Variants in PDCD5 observed in about 807,000 individuals in gnomAD.
PDCD5 encodes programmed cell death 5.
A neutral mutation model predicts 21.9 loss-of-function variants in PDCD5; 23 were observed. The ratio of observed to expected loss-of-function variants is 1.05; its 90% confidence interval spans 0.76 to 1.49. The LOEUF is 1.49. PDCD5 is among the 40% of genes most tolerant of loss of function. PDCD5 has a pLI of 0.00. For synonymous variants in PDCD5, 45 were observed against 49.4 expected (o/e 0.91, Z 0.37); for missense variants, 152 against 147.7 (o/e 1.03, Z -0.15).
chr19:32,583,697 G>A (rs1971451011), intron 2 of PDCD5, among the ~76,000 whole-genome samples: 1 of 151,894 alleles, frequency 6.6e-6, no homozygotes, highest in Non-Finnish European at 1.5e-5. Flanking sequence ...TGTGGTGACT[G>A]AAGCCTGTAG....
At chr19:32,586,118 C>G in intron 4 of PDCD5, 3 of 1,515,988 alleles carry the variant, frequency 2.0e-6, no homozygotes, top group Non-Finnish European at 2.6e-6. Flanking sequence ...TGCTCTGGAA[C>G]CTTGTTGGTG....
chr19:32,581,469 G>C (rs898028440), intron 1 of PDCD5, 142 bp downstream of exon 1: 2 of 442,018 alleles, frequency 4.5e-6, no homozygotes, highest in Non-Finnish European at 7.5e-6. Flanking sequence ...CCTCGTGGCC[G>C]GCTCAGAGGT....
At chr19:32,585,070 T>G in intron 3 of PDCD5, 59 bp downstream of exon 3, 1 of 1,122,240 alleles carries the variant, frequency 8.9e-7, no homozygotes, top group Non-Finnish European at 1.4e-6. Context: ...ATGGGGTGAT[T>G]AGATACCATT....
intron 4 of PDCD5, chr19:32,586,557 GGTT>G: frequency 8.8e-7 from 1 of 1,135,556 alleles, no homozygotes; most frequent in East Asian, 5.5e-5. Context: ...TGGTATATGT[GGTT>G]GTCACACTCA....
chr19:32,581,355 G>C, intron 1 of PDCD5, 28 bp downstream of exon 1: 1 of 1,450,862 alleles, frequency 6.9e-7, no homozygotes, highest in South Asian at 1.3e-5. Flanking sequence ...CGCCAGGCTT[G>C]GCCCTCGCGG....
Position 32,582,286 on chromosome 19 carries a change from T to G in PDCD5, c.104+54T>G, listed in dbSNP as rs1446019705. 12 of 1,485,310 alleles carry G rather than the reference T, an allele frequency of 8.1e-6. No homozygotes were observed. In the Admixed American group the frequency reaches 2.1e-4, roughly 26 times the overall value. The allele number at this position is 1,485,310 out of a possible 1,614,324, so 92.0% of individuals were successfully genotyped here. A position where few individuals can be genotyped will look rare whatever the true frequency, so the allele number is the denominator to read the frequency against. On this transcript the variant is annotated intron_variant, in intron 2 of 5. Coordinates refer to ENST00000590247, the MANE Select transcript of PDCD5 (RefSeq NM_004708.4). ...AGGGTGGTTTCACCAAATGGATTTCTTTTGCTGTAGTTATTTTAAGCAGGT... is the reference window on the plus strand; with the variant it reads ...AGGGTGGTTTCACCAAATGGATTTCGTTTGCTGTAGTTATTTTAAGCAGGT...
In PDCD5 at chr19:32,586,854, C is replaced by G. The variant is rs1430894630; in HGVS notation, c.259-4C>G. On this transcript the variant is annotated splice_polypyrimidine_tract_variant and splice_region_variant and intron_variant, in intron 4 of 5. Transcript: ENST00000590247. Reference sequence around the variant, plus strand: ...GTTTTTCTTATCTTTTCTGGTTCTCCTAGGTATCAGAACAAGGTTTAATAG... The same window carrying G: ...GTTTTTCTTATCTTTTCTGGTTCTCGTAGGTATCAGAACAAGGTTTAATAG... 1.0e-5 allele frequency: 16 copies of G among 1,599,938 alleles called. No individual in the cohort carries two copies. In the Admixed American group the frequency reaches 2.5e-4, roughly 25 times the overall value.
intron 3 of PDCD5, among the ~76,000 whole-genome samples, chr19:32,585,596 T>C (rs1170936654): frequency 1.3e-5 from 2 of 152,158 alleles, no homozygotes; most frequent in East Asian, 3.8e-4. Context: ...AGAACCCAAC[T>C]TTAATCTTGG....
chr19:32,586,806 A>T (rs374307737), intron 4 of PDCD5, 52 bp from the exon 5 acceptor site: 6 of 1,581,774 alleles, frequency 3.8e-6, no homozygotes, highest in Non-Finnish European at 5.1e-6. Flanking sequence ...TGCAGAGGTA[A>T]ATTCTTTGTT....
rs539383392 is a variant in PDCD5, at chr19:32,586,372, T to TA, written c.258+466dup. ...CCACCTGCCCTGAGAAGCCGTCTGC[T>TA]ACCACCACAGCCTACCCGAATTGGT... On this transcript the variant is annotated intron_variant, in intron 4 of 5. Transcript: ENST00000590247. 1,982 of 1,221,482 alleles carry TA rather than the reference T, an allele frequency of 1.6e-3. 1 individual carries two copies. Among genetic ancestry groups the TA allele is most frequent in the Non-Finnish European group, 1.7e-3 (1,641 of 973,202 alleles). 75.7% of individuals were successfully genotyped at this position (1,221,482 alleles called of 1,614,324 possible). A position where few individuals can be genotyped will look rare whatever the true frequency, so the allele number is the denominator to read the frequency against.
rs534083788 is a variant in PDCD5, at chr19:32,585,864, A to C, written c.215A>C (p.Asn72Thr). Residue 72 changes from asparagine (N) to threonine (T), a missense_variant, in exon 4 of 6, where the codon AAT (asparagine) becomes ACT (threonine). Transcript: ENST00000590247. ...CCTGAAAAAACTAAAGCAGTAGAGA[A>C]TTACCTTATACAGATGGCAAGATAT... ...VKPEKTKAVENYLIQMARYGQ... is the reference protein window; with the variant it reads ...VKPEKTKAVETYLIQMARYGQ... The C allele has an allele frequency of 6.2e-7, 1 of 1,612,046 alleles. No homozygotes were observed. The highest frequency in any genetic ancestry group is 8.5e-7 in the Non-Finnish European group (1 of 1,178,068).
intron 2 of PDCD5, chr19:32,584,743 C>A (rs1971459792): frequency 1.8e-6 from 1 of 568,922 alleles, no homozygotes; most frequent in Non-Finnish European, 3.1e-6. Flanking sequence ...AGGTTGTCAC[C>A]TGTGTAATAT....
Position 32,581,311 on chromosome 19 carries a change from T to C in PDCD5, c.50T>C (p.Leu17Pro). The change falls in exon 1 of 6, where the codon CTG (leucine) becomes CCG (proline). Residue 17 changes from leucine to proline, a missense_variant. Leu to Pro is a moderately conservative substitution (Grantham distance 98, BLOSUM62 -3). Coordinates refer to ENST00000590247, the MANE Select transcript of PDCD5 (RefSeq NM_004708.4). The stretch of plus-strand genomic sequence containing the variant: ...CTGAGGAGACAGAGGCTGGCCGAGC[T>C]GCAGGCCAAACACGGGGTGAGCGCA... ...EALRRQRLAE[L>P]QAKHGDPGDA... 2 of 1,523,880 alleles carry C rather than the reference T, an allele frequency of 1.3e-6. No individual in the cohort carries two copies. Among genetic ancestry groups the C allele is most frequent in the Non-Finnish European group, 1.8e-6 (2 of 1,139,976 alleles). 94.4% of individuals were successfully genotyped at this position (1,523,880 alleles called of 1,614,324 possible). A position where few individuals can be genotyped will look rare whatever the true frequency, so the allele number is the denominator to read the frequency against.
Position 32,587,396 on chromosome 19 carries a change from A to T in PDCD5, c.*96A>T. 2 of 763,440 alleles carry T rather than the reference A, an allele frequency of 2.6e-6. No homozygotes were observed. Among genetic ancestry groups the T allele is most frequent in the Non-Finnish European group, 4.2e-6 (2 of 481,460 alleles). 47.3% of individuals were successfully genotyped at this position (763,440 alleles called of 1,614,324 possible). A position where few individuals can be genotyped will look rare whatever the true frequency, so the allele number is the denominator to read the frequency against. ...TTTGTTTATTGTCTATATGCCTTTT[A>T]AAAAAATAAACTTGTTATGCAAAAT... On this transcript the variant is annotated 3_prime_UTR_variant, in exon 6 of 6. Coordinates refer to ENST00000590247, the MANE Select transcript of PDCD5 (RefSeq NM_004708.4).
chr19:32,585,951 A>G (rs752098381), intron 4 of PDCD5, 44 bp downstream of exon 4: 56 of 1,614,148 alleles, frequency 3.5e-5, no homozygotes, highest in Non-Finnish European at 4.3e-5. Flanking sequence ...TACCTGCTTT[A>G]TCAAAACATG....
chr19:32,585,999 A>G (rs1385143769), intron 4 of PDCD5, 92 bp downstream of exon 4: 1 of 1,611,238 alleles, frequency 6.2e-7, no homozygotes, highest in Admixed American at 1.7e-5. Flanking sequence ...TGGATTACAG[A>G]ATTCTTGCTG....
chr19:32,583,457 CTTTTTT>C (rs77264733), intron 2 of PDCD5, among the ~76,000 whole-genome samples: 1 of 143,790 alleles, frequency 7.0e-6, no homozygotes, highest in African/African-American at 2.5e-5. Flanking sequence ...TTTTTTTAAA[CTTTTTT>C]TTTTTTTAAT....
rs771434715 is a variant in PDCD5, at chr19:32,587,331, G to A, written c.*31G>A. ...AAGTGCTCACAGACTAGAACTTAACGGAACAAGTCTAGGACAGAAGTTAAG... is the reference window on the plus strand; with the variant it reads ...AAGTGCTCACAGACTAGAACTTAACAGAACAAGTCTAGGACAGAAGTTAAG... On this transcript the variant is annotated 3_prime_UTR_variant, in exon 6 of 6. Coordinates refer to ENST00000590247, the MANE Select transcript of PDCD5 (RefSeq NM_004708.4). The A allele has an allele frequency of 1.4e-5, 21 of 1,480,792 alleles. No homozygotes were observed. The highest frequency in any genetic ancestry group is 5.1e-5 in the Admixed American group (3 of 59,002). The allele number at this position is 1,480,792 out of a possible 1,614,324, so 91.7% of individuals were successfully genotyped here.
intron 4 of PDCD5, chr19:32,586,653 T>C (rs746938681): frequency 1.6e-4 from 204 of 1,295,808 alleles, no homozygotes; most frequent in Non-Finnish European, 1.9e-4. Flanking sequence ...TCCCCCTCCT[T>C]CTCAAGTGAG....
Sources: gnomAD v4.1 joint callset for allele counts (sites outside exome capture counted in the v4.1 genomes callset) on GRCh38, gnomAD v4.1.1 for gene constraint, MANE v1.5 for transcripts, NCBI Gene and HGNC (gene_info 2026-07-23, HGNC 2026-07-21) for gene names.